The following KCNIP4 variants were observed in gnomAD, a reference collection of about 807,000 sequenced individuals.
KCNIP4 encodes potassium voltage-gated channel interacting protein 4.
Under a neutral mutation model 34.0 loss-of-function variants are expected in KCNIP4, and 12 were observed. The observed-to-expected ratio is 0.35, with a 90% CI of 0.23 to 0.57. The LOEUF is 0.57. Among genes scored for constraint, KCNIP4 ranks in the 20% least tolerant of loss-of-function variants. The pLI, the probability that KCNIP4 is intolerant of heterozygous loss-of-function variation, is 0.83. For missense variants in KCNIP4, 238 were observed against 311.7 expected (o/e 0.76, Z 1.78); for synonymous variants, 124 against 102.2 (o/e 1.21, Z -1.29).
At chr4:21,275,773 A>G (rs1302022222) in intron 1 of KCNIP4, among the ~76,000 whole-genome samples, 1 of 152,120 alleles carries the variant, frequency 6.6e-6, no homozygotes, top group African/African-American at 2.4e-5. Flanking sequence ...GCATTTTTGT[A>G]TGAACGTTGT....
intron 1 of KCNIP4, among the ~76,000 whole-genome samples, chr4:20,978,317 A>G (rs1211993533): frequency 6.6e-6 from 1 of 152,238 alleles, no homozygotes; most frequent in African/African-American, 2.4e-5. Flanking sequence ...GAAACCTGAA[A>G]GTGATACTGG....
At chr4:21,884,771 A>G (rs1266547372) in intron 1 of KCNIP4, among the ~76,000 whole-genome samples, 1 of 152,012 alleles carries the variant, frequency 6.6e-6, no homozygotes, top group Non-Finnish European at 1.5e-5. Flanking sequence ...CCCCTCTCTC[A>G]CTACCTTCTA....
intron 1 of KCNIP4, among the ~76,000 whole-genome samples, chr4:21,442,101 C>T (rs1727530716): frequency 6.6e-6 from 1 of 152,148 alleles, no homozygotes; most frequent in African/African-American, 2.4e-5. Flanking sequence ...TCTCCTTTTG[C>T]ATTGTTGCTG....
At chr4:21,188,229 A>T (rs1055965978) in intron 1 of KCNIP4, among the ~76,000 whole-genome samples, 1 of 152,192 alleles carries the variant, frequency 6.6e-6, no homozygotes, top group African/African-American at 2.4e-5. Context: ...CTGTGTTATA[A>T]AGGAGGACAG....
chr4:21,909,582 T>A (rs183940709), intron 1 of KCNIP4, among the ~76,000 whole-genome samples: 6 of 152,164 alleles, frequency 3.9e-5, no homozygotes, highest in Non-Finnish European at 5.9e-5. Context: ...TCTTTATGTA[T>A]GCAAGCTGCA....
chr4:20,845,078 T>C (rs913357911), intron 3 of KCNIP4, among the ~76,000 whole-genome samples: 1 of 152,168 alleles, frequency 6.6e-6, no homozygotes, highest in Non-Finnish European at 1.5e-5. Context: ...ATACAACCTA[T>C]GTGACCCCCA....
At chr4:21,411,202 A>G (rs1001908473) in intron 1 of KCNIP4, among the ~76,000 whole-genome samples, 1 of 152,148 alleles carries the variant, frequency 6.6e-6, no homozygotes, top group Non-Finnish European at 1.5e-5. Flanking sequence ...AGGCTGGAAA[A>G]GGGGCAAAGA....
At chr4:21,187,572 G>A (rs1755327602) in intron 1 of KCNIP4, among the ~76,000 whole-genome samples, 2 of 152,144 alleles carry the variant, frequency 1.3e-5, no homozygotes, top group Non-Finnish European at 2.9e-5. Flanking sequence ...AAAGGTTAAT[G>A]GGGTTTTGAT....
At chr4:21,460,765 G>A (rs1034874263) in intron 1 of KCNIP4, among the ~76,000 whole-genome samples, 1 of 151,992 alleles carries the variant, frequency 6.6e-6, no homozygotes, top group East Asian at 1.9e-4. Context: ...AGTAACTTTA[G>A]AGAATGTCAT....
intron 1 of KCNIP4, among the ~76,000 whole-genome samples, chr4:21,636,950 T>A (rs35383597): frequency 0.15 from 22,875 of 152,106 alleles, 2,047 homozygotes; most frequent in South Asian, 0.21. Context: ...TGATGGACAC[T>A]AGGAAACATT....
intron 1 of KCNIP4, among the ~76,000 whole-genome samples, chr4:20,909,157 T>C (rs887747195): frequency 6.6e-6 from 1 of 152,348 alleles, no homozygotes; most frequent in African/African-American, 2.4e-5. Context: ...GGTTTGCTTA[T>C]TGAATAGACT....
intron 1 of KCNIP4, among the ~76,000 whole-genome samples, chr4:21,219,574 A>T (rs1426747303): frequency 6.6e-6 from 1 of 152,210 alleles, no homozygotes. Flanking sequence ...AATCCTTGCC[A>T]ATTATACATT....
At chr4:21,348,944 G>A (rs1166015700) in intron 1 of KCNIP4, among the ~76,000 whole-genome samples, 1 of 152,068 alleles carries the variant, frequency 6.6e-6, no homozygotes, top group African/African-American at 2.4e-5. Context: ...CTGGCCAGGT[G>A]GAACAAATGA....
intron 1 of KCNIP4, among the ~76,000 whole-genome samples, chr4:21,467,442 A>G (rs1730088047): frequency 6.6e-6 from 1 of 152,096 alleles, no homozygotes; most frequent in African/African-American, 2.4e-5. Flanking sequence ...CTACACCACA[A>G]CTGTGTGGTT....
At chr4:21,459,992 C>T (rs889170075) in intron 1 of KCNIP4, among the ~76,000 whole-genome samples, 20 of 151,822 alleles carry the variant, frequency 1.3e-4, no homozygotes, top group African/African-American at 4.4e-4. Flanking sequence ...CCTGTGCAAA[C>T]GCAAATTGGA....
At chr4:21,735,446 A>G (rs1039738217) in intron 1 of KCNIP4, among the ~76,000 whole-genome samples, 1 of 152,134 alleles carries the variant, frequency 6.6e-6, no homozygotes, top group Non-Finnish European at 1.5e-5. Context: ...ATTTTACCTT[A>G]TTCAGTTCTA....
In KCNIP4 at chr4:21,863,358, T is replaced by C. The variant is rs909053682; in HGVS notation, c.61+85213A>G. 3.0e-4 allele frequency among the ~76,000 whole-genome samples: 45 copies of C among 151,736 alleles called. 1 individual carries two copies. The Admixed American group carries it at 3.0e-3, about 10-fold the overall frequency. ...TTTAAAAATTCCTGGATGAAGTAGA[T>C]AGCAACAGCATTCTGCTTCCTGGCC... On this transcript the variant is annotated intron_variant, in intron 1 of 8. Coordinates refer to ENST00000382152, the MANE Select transcript of KCNIP4 (RefSeq NM_025221.6).
chr4:21,360,377 A>C (rs1331883231), intron 1 of KCNIP4, among the ~76,000 whole-genome samples: 1 of 152,124 alleles, frequency 6.6e-6, no homozygotes, highest in African/African-American at 2.4e-5. Context: ...AAAAACAAGA[A>C]TATAAAGAGG....
chr4:21,233,304 A>G (rs535009821), intron 1 of KCNIP4, among the ~76,000 whole-genome samples: 3 of 152,258 alleles, frequency 2.0e-5, no homozygotes, highest in African/African-American at 7.2e-5. Context: ...TGTATGTCCA[A>G]GGGGGGAGGC....
Sources: allele counts gnomAD v4.1 joint callset (sites outside exome capture counted in the v4.1 genomes callset), GRCh38; gene constraint gnomAD v4.1.1; transcripts MANE v1.5; gene names NCBI Gene and HGNC (gene_info 2026-07-23, HGNC 2026-07-21).